Variants in TMEM117 observed in about 807,000 individuals in gnomAD.
TMEM117 encodes the protein transmembrane protein 117.
A neutral mutation model predicts 52.4 loss-of-function variants in TMEM117; 27 were observed. The observed-to-expected ratio is 0.51, with a 90% CI of 0.38 to 0.71. The LOEUF is 0.71. TMEM117 is among the 30% of genes least tolerant of loss of function. TMEM117 has a pLI of 0.00. For missense variants in TMEM117, 556 were observed against 630.5 expected, an observed-to-expected ratio of 0.88 and a Z score of 1.26; for synonymous variants, 215 against 206.3, an observed-to-expected ratio of 1.04 and a Z score of -0.36.
intron 7 of TMEM117, among the ~76,000 whole-genome samples, chr12:44,377,142 T>C (rs768507232): frequency 3.9e-5 from 6 of 152,136 alleles, no homozygotes. Flanking sequence ...TGGTGTCAGA[T>C]CTGGTATTCT....
rs548245999 is a variant in TMEM117, at chr12:44,086,979, AAT to A, written c.411-56540_411-56539del. Among the ~76,000 whole-genome samples, 1,018 of 147,452 alleles carry A rather than the reference AAT, an allele frequency of 6.9e-3. 14 individuals are homozygous for A. The highest frequency in any genetic ancestry group is 0.024 in the African/African-American group (972 of 40,628). Reference sequence around the variant, plus strand: ...TATAATTAATAATTATAAATTATATAATATATAATTAATAATTATAAATTATG... The same window carrying A: ...TATAATTAATAATTATAAATTATATAATATAATTAATAATTATAAATTATG... On this transcript the variant is annotated intron_variant, in intron 3 of 7. Transcript: ENST00000266534.
At chr12:44,044,604 C>G (rs1251483309) in intron 3 of TMEM117, among the ~76,000 whole-genome samples, 1 of 152,242 alleles carries the variant, frequency 6.6e-6, no homozygotes, top group African/African-American at 2.4e-5. Context: ...CCTGCCTTCT[C>G]TCCCTCAGCC....
At chr12:43,915,839 C>G (rs1269802101) in intron 2 of TMEM117, among the ~76,000 whole-genome samples, 1 of 152,060 alleles carries the variant, frequency 6.6e-6, no homozygotes, top group African/African-American at 2.4e-5. Flanking sequence ...TAAGGGAACA[C>G]TTTTTTTATT....
chr12:44,360,073 A>C (rs1036473525), intron 6 of TMEM117, among the ~76,000 whole-genome samples: 26 of 152,286 alleles, frequency 1.7e-4, no homozygotes, highest in African/African-American at 6.0e-4. Flanking sequence ...ATTCTTCTTA[A>C]TTTTAATTTA....
intron 2 of TMEM117, among the ~76,000 whole-genome samples, chr12:43,880,856 T>G (rs950191637): frequency 1.3e-5 from 2 of 152,256 alleles, no homozygotes; most frequent in Non-Finnish European, 2.9e-5. Context: ...CCCTTTTCAT[T>G]TTTGTTAAGA....
chr12:43,860,965 A>G (rs966961158), intron 2 of TMEM117, among the ~76,000 whole-genome samples: 6 of 152,120 alleles, frequency 3.9e-5, no homozygotes, highest in Non-Finnish European at 7.3e-5. Flanking sequence ...TACTCTTCTC[A>G]GCTCCCCATT....
rs891188202 is a variant in TMEM117, at chr12:44,223,553, T to C, written c.608+12166T>C. Among the ~76,000 whole-genome samples the C allele has an allele frequency of 5.3e-5, 8 of 152,186 alleles. No individual in the cohort carries two copies. The East Asian group carries it at 1.3e-3, about 26-fold the overall frequency. Reference sequence around the variant, plus strand: ...TACCCCCAAAGTAGAAATTTACTTATTTTGTACACATGGTTTCAAAACAAA... The same window carrying C: ...TACCCCCAAAGTAGAAATTTACTTACTTTGTACACATGGTTTCAAAACAAA... On this transcript the variant is annotated intron_variant, in intron 5 of 7. Transcript: ENST00000266534.
intron 2 of TMEM117, among the ~76,000 whole-genome samples, chr12:43,881,790 C>A (rs1188642302): frequency 4.4e-3 from 183 of 41,950 alleles, no homozygotes; most frequent in African/African-American, 0.014. Context: ...ACTCTTGTCT[C>A]AAAAAAAAAA....
intron 3 of TMEM117, among the ~76,000 whole-genome samples, chr12:44,016,349 C>T (rs1472525145): frequency 6.6e-6 from 1 of 152,156 alleles, no homozygotes; most frequent in East Asian, 1.9e-4. Flanking sequence ...GCTTGCAGAC[C>T]TAACTTTGGG....
At chr12:43,830,097 A>C in the TMEM117 span, among the ~76,000 whole-genome samples, 2 of 151,490 alleles carry the variant, frequency 1.3e-5, no homozygotes, top group Admixed American at 6.6e-5. Flanking sequence ...CAAAAAAAAA[A>C]AAAAAAAAAG....
chr12:44,181,830 G>A (rs371332462), intron 4 of TMEM117, among the ~76,000 whole-genome samples: 36 of 150,914 alleles, frequency 2.4e-4, no homozygotes, highest in African/African-American at 3.2e-4. Flanking sequence ...TTGACTTGGC[G>A]ATGCGGGCTC....
At chr12:44,282,235 T>C (rs568342990) in intron 5 of TMEM117, among the ~76,000 whole-genome samples, 2 of 152,254 alleles carry the variant, frequency 1.3e-5, no homozygotes, top group South Asian at 2.1e-4. Flanking sequence ...GGTATGTCAG[T>C]GTCAGACTAA....
intron 6 of TMEM117, among the ~76,000 whole-genome samples, chr12:44,364,689 A>G (rs552066868): frequency 6.6e-6 from 1 of 152,260 alleles, no homozygotes; most frequent in Admixed American, 6.5e-5. Flanking sequence ...TTGATATACA[A>G]ACAAGGAAGA....
rs116526791 is a variant in TMEM117, at chr12:44,158,728, A to G, written c.510+15104A>G. ...AGTTGGAAAATAACAAACTCTAGAA[A>G]CATTATTGCAAAAATTAAATTGCAT... On this transcript the variant is annotated intron_variant, in intron 4 of 7. Transcript: ENST00000266534. 1.0e-2 allele frequency among the ~76,000 whole-genome samples: 1,518 copies of G among 152,288 alleles called. 33 individuals are homozygous for G. Among genetic ancestry groups the G allele is most frequent in the African/African-American group, 0.034 (1,430 of 41,566 alleles).
intron 4 of TMEM117, among the ~76,000 whole-genome samples, chr12:44,187,480 C>A (rs1949293993): frequency 6.6e-6 from 1 of 152,056 alleles, no homozygotes; most frequent in Admixed American, 6.6e-5. Context: ...GTCCCTGGGA[C>A]AACAGCTATA....
intron 2 of TMEM117, among the ~76,000 whole-genome samples, chr12:43,862,179 CT>C (rs920175762): frequency 1.5e-4 from 23 of 152,050 alleles, no homozygotes; most frequent in African/African-American, 4.3e-4. Context: ...AAACTTTTGT[CT>C]TTTTTTGAGA....
intron 3 of TMEM117, among the ~76,000 whole-genome samples, chr12:44,038,084 A>G (rs1205595066): frequency 6.6e-6 from 1 of 152,100 alleles, no homozygotes; most frequent in Non-Finnish European, 1.5e-5. Context: ...ACTTGTCTGC[A>G]TACCTCATTT....
intron 4 of TMEM117, among the ~76,000 whole-genome samples, chr12:44,161,152 A>G (rs1393399613): frequency 1.3e-5 from 2 of 152,178 alleles, no homozygotes; most frequent in African/African-American, 2.4e-5. Context: ...TCTTTACTCA[A>G]TAGTTAACAT....
the TMEM117 span, chr12:43,799,268 T>C: frequency 1.8e-6 from 1 of 543,294 alleles, no homozygotes; most frequent in Non-Finnish European, 3.1e-6. Context: ...GCCTTATCTC[T>C]AAACTAAACG....
Sources: gnomAD v4.1 joint callset for allele counts (sites outside exome capture counted in the v4.1 genomes callset) on GRCh38, gnomAD v4.1.1 for gene constraint, MANE v1.5 for transcripts, NCBI Gene and HGNC (gene_info 2026-07-23, HGNC 2026-07-21) for gene names.